Variants in SORL1 observed in about 807,000 individuals in gnomAD.
The protein encoded by SORL1 is sortilin related receptor 1.
In SORL1, 127 loss-of-function variants were observed where a neutral mutation model predicts 273.7. The ratio of observed to expected loss-of-function variants is 0.46; its 90% CI spans 0.40 to 0.54. The LOEUF is 0.54. Among genes scored for constraint, SORL1 ranks in the 20% least tolerant of loss-of-function variants. The pLI is 0.00. For synonymous variants in SORL1, 1,031 were observed against 1,067.4 expected, an observed-to-expected ratio of 0.97 and a Z score of 0.66; for missense variants, 2,494 against 2,846.1, an observed-to-expected ratio of 0.88 and a Z score of 2.81.
chr11:121,545,167 A>C (rs1344834016), intron 13 of SORL1, 76 bp from the exon 14 acceptor site: 3 of 1,395,650 alleles, frequency 2.1e-6, no homozygotes, highest in Non-Finnish European at 2.0e-6. Flanking sequence ...GGTTGAGGCC[A>C]GGCACCTTGA....
intron 8 of SORL1, among the ~76,000 whole-genome samples, chr11:121,518,487 G>T (rs1339708275): frequency 6.6e-6 from 1 of 152,142 alleles, no homozygotes; most frequent in Non-Finnish European, 1.5e-5. Context: ...AAGAAACAGG[G>T]CTCATCTAAA....
chr11:121,543,740 T>G lies in SORL1; in HGVS notation c.1864+14T>G. 6.2e-7 allele frequency: 1 copy of G among 1,606,114 alleles called. No homozygotes were observed. The highest frequency in any genetic ancestry group is 1.1e-5 in the South Asian group (1 of 90,944). ...CGGATGCCTTGGGTAAGCTGCTGCC[T>G]CCTTGGACCTTTTCACATGGATATG... On this transcript the variant is annotated intron_variant, in intron 13 of 47. Coordinates refer to ENST00000260197, the MANE Select transcript of SORL1 (RefSeq NM_003105.6).
chr11:121,629,502 A>G lies in SORL1; in HGVS notation c.6584A>G (p.Asp2195Gly), dbSNP rs1451700166. The change falls in exon 48 of 48, where the codon GAT becomes GGT. Residue 2195 changes from aspartate to glycine, a missense_variant. Asp to Gly is a moderately conservative substitution (Grantham distance 94, BLOSUM62 -1). Coordinates refer to ENST00000260197, the MANE Select transcript of SORL1 (RefSeq NM_003105.6). The part of the protein sequence containing the change: ...IFSSGDDLGE[D>G]DEDAPMITGF... ...CTGACTGTTTTGTCTCTAGGGGAAGATGATGAAGATGCCCCTATGATAACT... is the reference window on the plus strand; with the variant it reads ...CTGACTGTTTTGTCTCTAGGGGAAGGTGATGAAGATGCCCCTATGATAACT... 1 of 1,561,906 alleles carries G rather than the reference A, an allele frequency of 6.4e-7. No homozygotes were observed. The highest frequency in any genetic ancestry group is 1.1e-5 in the South Asian group (1 of 90,032).
In SORL1 at chr11:121,622,233, C is replaced by T; in HGVS notation, c.6136C>T (p.Leu2046=). 1.9e-6 allele frequency: 3 copies of T among 1,612,184 alleles called. No individual in the cohort carries two copies. Among genetic ancestry groups the T allele is most frequent in the Non-Finnish European group, 2.5e-6 (3 of 1,178,734 alleles). ...NDHVLLFWKS[L]ALKEKHFNES... is the part of the protein sequence containing the mutation. ...TCATGTTCTTCTGTTTTGGAAAAGC[C>T]TGGCTTTAAAGGAAAAGCATTTTAA... Residue 2046 remains leucine (L), a synonymous_variant, in exon 45 of 48, where the codon CTG becomes TTG. Transcript: ENST00000260197.
rs1380732968 is a variant in SORL1, at chr11:121,567,095, A to T, written c.3205A>T (p.Asn1069Tyr). ...DCPQGYQLKN[N>Y]TCVKQENTCL... ...CCCTCAGGGCTATCAGCTCAAGAAC[A>T]ATACCTGTGTCAAACAAGGTACTTC... The change falls in exon 22 of 48, where the codon AAT becomes TAT. Residue 1069 changes from asparagine (N) to tyrosine (Y), a missense_variant. Transcript: ENST00000260197. The T allele has an allele frequency of 1.2e-6, 2 of 1,612,770 alleles. No individual in the cohort carries two copies. Among genetic ancestry groups the T allele is most frequent in the Non-Finnish European group, 1.7e-6 (2 of 1,179,572 alleles).
chr11:121,455,035 G>A (rs1304599625), intron 1 of SORL1, among the ~76,000 whole-genome samples: 1 of 152,142 alleles, frequency 6.6e-6, no homozygotes, highest in African/African-American at 2.4e-5. Flanking sequence ...CCCCTTCAAC[G>A]TTTAAACCTA....
Position 121,627,857 on chromosome 11 carries a change from C to A in SORL1, c.6577+90C>A. 1 of 856,336 alleles carries A rather than the reference C, an allele frequency of 1.2e-6. No individual in the cohort carries two copies. The allele number at this position is 856,336 out of a possible 1,614,324, so 53.0% of individuals were successfully genotyped here. A position where few individuals can be genotyped will look rare whatever the true frequency, so the allele number is the denominator to read the frequency against. The stretch of plus-strand genomic sequence containing the variant: ...ATTAGGAAACACCCACCTTCAGCTC[C>A]TCTTTTGACCCTGGAGGAGCTCTTC... On this transcript the variant is annotated intron_variant, in intron 47 of 47. Coordinates refer to ENST00000260197, the MANE Select transcript of SORL1 (RefSeq NM_003105.6). This position sits in a 1 kb window ranked among gnomAD's most constrained non-coding sequence, Gnocchi z 4.9.
intron 8 of SORL1, among the ~76,000 whole-genome samples, chr11:121,516,630 T>C (rs1292634050): frequency 6.6e-6 from 1 of 152,226 alleles, no homozygotes; most frequent in Non-Finnish European, 1.5e-5. Context: ...CATAGACTCA[T>C]GGATTAATTA....
Position 121,559,575 on chromosome 11 carries a change from C to T in SORL1, c.2967C>T (p.Tyr989=). The change falls in exon 21 of 48, where the codon TAC becomes TAT. Residue 989 remains tyrosine, a synonymous_variant. Coordinates refer to ENST00000260197, the MANE Select transcript of SORL1 (RefSeq NM_003105.6). ...SQLSIFRASK[Y]SGSQMEILAN... Reference sequence around the variant, plus strand: ...TCAGCATATTCCGAGCTTCCAAATACAGTGGGTCCCAGATGGAGATTCTGG... The same window carrying T: ...TCAGCATATTCCGAGCTTCCAAATATAGTGGGTCCCAGATGGAGATTCTGG... The T allele has an allele frequency of 1.2e-6, 2 of 1,614,136 alleles. No homozygotes were observed. Among genetic ancestry groups the T allele is most frequent in the South Asian group, 2.2e-5 (2 of 91,082 alleles).
chr11:121,604,088 G>A (rs1172367880), intron 32 of SORL1, 105 bp from the exon 33 acceptor site: 2 of 1,406,772 alleles, frequency 1.4e-6, no homozygotes. Context: ...GTGTTTTGAA[G>A]CAGAAGCCAA....
intron 14 of SORL1, 48 bp from the exon 15 acceptor site, chr11:121,549,912 T>C (rs1862482720): frequency 6.3e-7 from 1 of 1,596,962 alleles, no homozygotes; most frequent in Non-Finnish European, 8.6e-7. Flanking sequence ...CAGGAATGCC[T>C]GAAATGTATA....
rs1207565607 is a variant in SORL1, at chr11:121,470,042, G to A, written c.321G>A (p.Val107=). The A allele has an allele frequency of 1.2e-6, 2 of 1,614,026 alleles. No homozygotes were observed. The highest frequency in any genetic ancestry group is 1.7e-6 in the Non-Finnish European group (2 of 1,179,996). Residue 107 remains valine, a synonymous_variant, in exon 2 of 48, where the codon GTG becomes GTA. Coordinates refer to ENST00000260197, the MANE Select transcript of SORL1 (RefSeq NM_003105.6). ...SLNDSHNQMV[V]HWAGEKSNVI... Reference sequence around the variant, plus strand: ...ATGATTCCCACAATCAGATGGTGGTGCACTGGGCTGGAGAGAAAAGCAACG... The same window carrying A: ...ATGATTCCCACAATCAGATGGTGGTACACTGGGCTGGAGAGAAAAGCAACG...
At chr11:121,534,579 T>C (rs1158732832) in intron 12 of SORL1, among the ~76,000 whole-genome samples, 1 of 152,234 alleles carries the variant, frequency 6.6e-6, no homozygotes, top group African/African-American at 2.4e-5. Context: ...AAGCCTCCTA[T>C]TGACAGGTGC....
intron 3 of SORL1, among the ~76,000 whole-genome samples, chr11:121,480,578 C>T (rs1186033462): frequency 1.3e-5 from 2 of 151,918 alleles, no homozygotes; most frequent in African/African-American, 4.8e-5. Flanking sequence ...TGCACAGATA[C>T]CTATAGGCAG....
At chr11:121,511,915 C>T (rs535801593) in intron 6 of SORL1, among the ~76,000 whole-genome samples, 20 of 152,272 alleles carry the variant, frequency 1.3e-4, no homozygotes, top group African/African-American at 4.6e-4. Flanking sequence ...GCCAAAGTAA[C>T]CCCTCTGGCT....
Position 121,532,524 on chromosome 11 carries a change from G to A in SORL1, c.1657G>A (p.Ala553Thr). The A allele has an allele frequency of 6.2e-7, 1 of 1,614,048 alleles. No individual in the cohort carries two copies. The highest frequency in any genetic ancestry group is 1.1e-5 in the South Asian group (1 of 91,080). The change falls in exon 12 of 48, where the codon GCC becomes ACC. Residue 553 changes from alanine to threonine, a missense_variant. By Grantham distance (58) the Ala-to-Thr change is moderately conservative. This residue lies in a region of SORL1 where 710 missense variants were observed against 882.5 expected (regional missense o/e 0.80). Transcript: ENST00000260197. ...GDHGGIITAI[A>T]QGMETNELKY... is the part of the protein sequence containing the mutation. ...CCACGGCGGAATCATCACGGCCATT[G>A]CCCAGGGCATGGAAACCAACGAGCT...
chr11:121,574,084 A>G (rs56262319), intron 23 of SORL1, among the ~76,000 whole-genome samples, 157 bp from the exon 24 acceptor site: 1,596 of 152,236 alleles, frequency 0.01, 24 homozygotes, highest in African/African-American at 0.035. Flanking sequence ...TCAAGCTCTC[A>G]TGTAATTTAT....
At chr11:121,467,997 G>A (rs1222690398) in intron 1 of SORL1, among the ~76,000 whole-genome samples, 2 of 152,132 alleles carry the variant, frequency 1.3e-5, no homozygotes, top group South Asian at 2.1e-4. Context: ...TCCAAGTAAC[G>A]TCGTTAAGGA....
chr11:121,523,346 C>T (rs559684658), intron 11 of SORL1, among the ~76,000 whole-genome samples: 9 of 152,030 alleles, frequency 5.9e-5, no homozygotes, highest in Middle Eastern at 3.4e-3. Flanking sequence ...CAAATTATAG[C>T]GTAGTGGTAT....
Sources: gnomAD v4.1 joint callset for allele counts (sites outside exome capture counted in the v4.1 genomes callset) on GRCh38, gnomAD v4.1.1 for gene constraint, gnomAD v4.1.1 regional missense constraint, Gnocchi (gnomAD v3.1) non-coding constraint, MANE v1.5 for transcripts, NCBI Gene and HGNC (gene_info 2026-07-23, HGNC 2026-07-21) for gene names.